Variants in RBFOX1 observed in about 807,000 individuals in gnomAD.
The protein encoded by RBFOX1 is RNA binding fox-1 homolog 1.
Under a neutral mutation model 57.7 loss-of-function variants are expected in RBFOX1, and 8 were observed. The observed-to-expected ratio is 0.14, with a 90% confidence interval of 0.08 to 0.25. The LOEUF (loss-of-function observed/expected upper bound fraction) is 0.25, where lower values mean the gene tolerates loss of function less well. RBFOX1 is among the 10% of genes least tolerant of loss of function. RBFOX1 has a pLI of 1.00. For missense variants in RBFOX1, 611 were observed against 548.5 expected, an observed-to-expected ratio of 1.11 and a Z score of -1.14; for synonymous variants, 326 against 222.4, an observed-to-expected ratio of 1.47 and a Z score of -4.15.
At chr16:7,242,877 A>G (rs1230901433) in intron 4 of RBFOX1, among the ~76,000 whole-genome samples, 1 of 152,106 alleles carries the variant, frequency 6.6e-6, no homozygotes, top group Non-Finnish European at 1.5e-5. Flanking sequence ...GAGTCTGCGG[A>G]CAGTTTGCAA....
intron 1 of RBFOX1, among the ~76,000 whole-genome samples, chr16:6,229,826 G>A (rs556704628): frequency 6.6e-6 from 1 of 151,992 alleles, no homozygotes; most frequent in Non-Finnish European, 1.5e-5. Context: ...TAGACTCGGT[G>A]GTCTTTAAAA....
intron 2 of RBFOX1, among the ~76,000 whole-genome samples, chr16:6,600,536 G>A (rs935252199): frequency 4.6e-5 from 7 of 152,168 alleles, no homozygotes; most frequent in African/African-American, 9.7e-5. Context: ...GGCCAGAGAC[G>A]AACGCTGTGG....
rs578252149 is a variant in RBFOX1, at chr16:5,304,895, A to G, written c.219+64790A>G. Among the ~76,000 whole-genome samples, 6 of 152,286 alleles carry G rather than the reference A, an allele frequency of 3.9e-5. No individual in the cohort carries two copies. In the East Asian group the frequency reaches 9.7e-4, roughly 25 times the overall value. ...ATTTGCATTTCTCCTATTCCCTGCG[A>G]ATTTGAACCTCTTCATGACATTACT... is the stretch of plus-strand genomic sequence containing the variant. On this transcript the variant is annotated intron_variant, in intron 1 of 2. Coordinates refer to the RBFOX1 transcript ENST00000585867.
intron 4 of RBFOX1, among the ~76,000 whole-genome samples, chr16:7,253,041 C>A (rs962323034): frequency 1.3e-5 from 2 of 152,162 alleles, no homozygotes; most frequent in African/African-American, 4.8e-5. Flanking sequence ...TGTTCTGCAT[C>A]TTTTCCATCT....
intron 3 of RBFOX1, among the ~76,000 whole-genome samples, chr16:5,614,333 C>G (rs367585423): frequency 2.0e-5 from 3 of 152,126 alleles, no homozygotes; most frequent in African/African-American, 7.2e-5. Context: ...GGCTCTGGGC[C>G]AGTGGGGAGA....
chr16:5,552,549 C>A, intron 2 of RBFOX1, among the ~76,000 whole-genome samples: 1 of 152,284 alleles, frequency 6.6e-6, no homozygotes, highest in Non-Finnish European at 1.5e-5. Flanking sequence ...GGTTAGAAGC[C>A]TGGCTTTTCT....
rs115854713 is a variant in RBFOX1 at position 7,033,066 on chromosome 16, C to T, written c.-15-18991C>T. On this transcript the variant is annotated intron_variant, in intron 3 of 15. Transcript: ENST00000550418. Reference sequence around the variant, plus strand: ...GTCCACTAGCCCTGTCTTCAGAAGGCAAGAAAGGAATGCCAACTCTCTCCT... The same window carrying T: ...GTCCACTAGCCCTGTCTTCAGAAGGTAAGAAAGGAATGCCAACTCTCTCCT... Among the ~76,000 whole-genome samples, 577 of 152,166 alleles carry T rather than the reference C, an allele frequency of 3.8e-3. 3 individuals carry two copies. The highest frequency in any genetic ancestry group is 0.012 in the African/African-American group (514 of 41,526).
At chr16:7,297,557 G>A (rs754646980) in intron 4 of RBFOX1, among the ~76,000 whole-genome samples, 2 of 152,112 alleles carry the variant, frequency 1.3e-5, no homozygotes, top group Non-Finnish European at 2.9e-5. Context: ...TGTTGTGGAT[G>A]TTAATTATCT....
intron 2 of RBFOX1, among the ~76,000 whole-genome samples, chr16:6,498,499 T>C (rs1598296727): frequency 6.6e-6 from 1 of 152,158 alleles, no homozygotes; most frequent in African/African-American, 2.4e-5. Flanking sequence ...TGGGGCTTGG[T>C]TCAGCAATCA....
At chr16:6,108,435 G>A (rs906822908) in intron 1 of RBFOX1, among the ~76,000 whole-genome samples, 1 of 152,162 alleles carries the variant, frequency 6.6e-6, no homozygotes, top group African/African-American at 2.4e-5. Flanking sequence ...TGTGTTTAAT[G>A]GAGTGCCTGT....
At chr16:6,794,848 G>A (rs755721271) in intron 3 of RBFOX1, among the ~76,000 whole-genome samples, 10 of 152,080 alleles carry the variant, frequency 6.6e-5, no homozygotes, top group Non-Finnish European at 1.2e-4. Context: ...CAAGGTAATT[G>A]TCAAGGGCTT....
At chr16:6,250,328 C>G (rs1445435467) in intron 1 of RBFOX1, among the ~76,000 whole-genome samples, 3 of 152,108 alleles carry the variant, frequency 2.0e-5, no homozygotes, top group South Asian at 2.1e-4. Flanking sequence ...TTTAATTTTG[C>G]AAGCCCATAT....
At chr16:6,050,867 T>A (rs2095545006) in intron 1 of RBFOX1, among the ~76,000 whole-genome samples, 1 of 151,638 alleles carries the variant, frequency 6.6e-6, no homozygotes, top group African/African-American at 2.4e-5. Flanking sequence ...AATGCAGGGA[T>A]GGAAGTTATT....
chr16:6,475,414 T>A (rs2095257333), intron 2 of RBFOX1, among the ~76,000 whole-genome samples: 2 of 152,228 alleles, frequency 1.3e-5, no homozygotes, highest in South Asian at 4.1e-4. Context: ...GCTTCAGGAA[T>A]GAGGGTCATT....
rs115225331 is a variant in RBFOX1 at position 7,045,487 on chromosome 16, A to C, written c.-15-6570A>C. Among the ~76,000 whole-genome samples the C allele has an allele frequency of 3.2e-3, 485 of 152,210 alleles. 2 individuals are homozygous for C. The highest frequency in any genetic ancestry group is 0.011 in the African/African-American group (458 of 41,528). On this transcript the variant is annotated intron_variant, in intron 3 of 15. Transcript: ENST00000550418. ...TTCCTTGGCTACTGTTGGATTTTGC[A>C]TTGTCTGCAATAGGAATATGATAAT...
intron 3 of RBFOX1, among the ~76,000 whole-genome samples, chr16:6,786,385 T>C (rs57990491): frequency 0.11 from 17,479 of 152,112 alleles, 1,184 homozygotes; most frequent in African/African-American, 0.18. Context: ...GCATTATTCT[T>C]CTTGTACCTT....
chr16:7,172,323 C>T (rs973383827), intron 4 of RBFOX1, among the ~76,000 whole-genome samples: 2 of 152,148 alleles, frequency 1.3e-5, no homozygotes, highest in African/African-American at 2.4e-5. Context: ...TCTCTTTTTA[C>T]TCCTCAGTAC....
intron 2 of RBFOX1, among the ~76,000 whole-genome samples, chr16:6,601,585 G>C (rs2097853737): frequency 6.6e-6 from 1 of 152,098 alleles, no homozygotes; most frequent in Non-Finnish European, 1.5e-5. Flanking sequence ...GGCTGTAAAA[G>C]GACCACTGTT....
At chr16:5,813,249 G>A (rs117382650) in intron 3 of RBFOX1, among the ~76,000 whole-genome samples, 208 of 152,056 alleles carry the variant, frequency 1.4e-3, no homozygotes, top group Non-Finnish European at 2.2e-3. Flanking sequence ...CTGATGATCC[G>A]CCTATTTCGG....
Sources: gnomAD v4.1 joint callset for allele counts (sites outside exome capture counted in the v4.1 genomes callset) on GRCh38, gnomAD v4.1.1 for gene constraint, MANE v1.5 for transcripts, NCBI Gene and HGNC (gene_info 2026-07-23, HGNC 2026-07-21) for gene names.